The following MILR1 variants were observed in gnomAD, a reference collection of about 807,000 sequenced individuals.
MILR1 encodes mast cell immunoglobulin like receptor 1.
Under a neutral mutation model 18.5 loss-of-function variants are expected in MILR1, and 31 were observed. The observed-to-expected ratio is 1.68, with a 90% CI of 1.26 to 2.26. The LOEUF is 2.26. Ranked by LOEUF, MILR1 falls within the 30% of genes most tolerant of loss-of-function variation. The probability of loss-of-function intolerance (pLI) is 0.00; values close to 1 mark genes in which losing one functional copy is unlikely to be tolerated. For synonymous variants in MILR1, 85 were observed against 56.2 expected (o/e 1.51, Z -2.30); for missense variants, 257 against 157.4 (o/e 1.63, Z -3.38).
At chr17:64,470,501 G>A (rs940062329), downstream of MILR1, among the ~76,000 whole-genome samples, 4 of 152,168 alleles carry the variant, frequency 2.6e-5, no homozygotes, top group Admixed American at 6.5e-5. Flanking sequence ...AAAAAATATT[G>A]TGAAGCGCCT....
the MILR1 span, chr17:64,497,083 T>G: frequency 2.5e-5 from 28 of 1,124,938 alleles, no homozygotes; most frequent in Non-Finnish European, 2.7e-5. Context: ...GAGGTGAGCG[T>G]GCTTGCGGGC....
chr17:64,459,453 A>G (rs1045121758), intron 4 of MILR1, among the ~76,000 whole-genome samples: 2 of 152,022 alleles, frequency 1.3e-5, no homozygotes, highest in Admixed American at 6.6e-5. Context: ...AAGAAAAAGA[A>G]AAAGAAAGAA....
chr17:64,464,394 GT>G (rs1200545234), intron 5 of MILR1, among the ~76,000 whole-genome samples: 31 of 143,870 alleles, frequency 2.2e-4, no homozygotes, highest in African/African-American at 7.2e-4. Flanking sequence ...ACAGTTTTTT[GT>G]TTTTTTTTTA....
the MILR1 span, among the ~76,000 whole-genome samples, chr17:64,481,769 G>A: frequency 1.3e-5 from 2 of 152,008 alleles, no homozygotes; most frequent in African/African-American, 4.8e-5. Flanking sequence ...CATCTACTAG[G>A]GAGGCTGAGG....
intron 6 of MILR1, among the ~76,000 whole-genome samples, chr17:64,465,926 C>A (rs1241842349): frequency 6.6e-6 from 1 of 152,144 alleles, no homozygotes; most frequent in South Asian, 2.1e-4. Context: ...AAACAAGACC[C>A]AGCGCCTCGG....
In MILR1 at chr17:64,452,718, G is replaced by A; in HGVS notation, c.219G>A (p.Lys73=). 2.1e-6 allele frequency: 1 copy of A among 475,202 alleles called. No homozygotes were observed. The allele number at this position is 475,202 out of a possible 1,614,324, so 29.4% of individuals were successfully genotyped here. Residue 73 remains lysine, a synonymous_variant, in exon 3 of 10, where the codon AAG becomes AAA. Transcript: ENST00000619286. The part of the protein sequence containing the change: ...LQITYSLFRR[K]THLGTQDGKG... ...TCACCTATTCATTGTTTCGACGTAA[G>A]ACACACCTGGGAACCCAGGATGGAA...
At chr17:64,493,172 C>T in the MILR1 span, 6 of 859,204 alleles carry the variant, frequency 7.0e-6, no homozygotes, top group Admixed American at 2.0e-5. Flanking sequence ...AATCCCAGCA[C>T]TTTGGGAGGT....
At chr17:64,454,626 G>C (rs1165421663) in intron 3 of MILR1, among the ~76,000 whole-genome samples, 1 of 152,166 alleles carries the variant, frequency 6.6e-6, no homozygotes, top group African/African-American at 2.4e-5. Context: ...ATCTTCTCCA[G>C]AGAAATGCTC....
At chr17:64,478,785 T>C in the MILR1 span, among the ~76,000 whole-genome samples, 2 of 151,914 alleles carry the variant, frequency 1.3e-5, no homozygotes, top group African/African-American at 4.8e-5. Flanking sequence ...TAATCCCAGC[T>C]ACTCGGGAGG....
At chr17:64,454,783 C>T (rs2144019840) in intron 3 of MILR1, among the ~76,000 whole-genome samples, 1 of 152,184 alleles carries the variant, frequency 6.6e-6, no homozygotes, top group East Asian at 1.9e-4. Flanking sequence ...CACCTGAGCC[C>T]AGGAGTTTGA....
At chr17:64,491,087 C>G in the MILR1 span, 3 of 795,392 alleles carry the variant, frequency 3.8e-6, no homozygotes, top group South Asian at 4.4e-5. Context: ...ATGTGCGAAA[C>G]TAGTCAAGTC....
intron 5 of MILR1, among the ~76,000 whole-genome samples, chr17:64,465,077 G>C (rs1445319538): frequency 6.6e-6 from 1 of 152,200 alleles, no homozygotes; most frequent in Admixed American, 6.5e-5. Flanking sequence ...CCAGGCGACA[G>C]AGCGAGACTC....
At chr17:64,476,232 TATAAAC>T in the MILR1 span, among the ~76,000 whole-genome samples, 461 of 152,270 alleles carry the variant, frequency 3.0e-3, 1 homozygote, top group African/African-American at 0.011. Flanking sequence ...AAAAGAAAAA[TATAAAC>T]ATACTACCAT....
chr17:64,459,338 T>A (rs2037370672), intron 4 of MILR1, among the ~76,000 whole-genome samples: 1 of 151,570 alleles, frequency 6.6e-6, no homozygotes, highest in East Asian at 1.9e-4. Flanking sequence ...GAGGATGAGG[T>A]AGGAGGATTG....
chr17:64,491,654 G>A, the MILR1 span: 5 of 1,395,228 alleles, frequency 3.6e-6, no homozygotes, highest in South Asian at 1.2e-5. Flanking sequence ...GTTACTACTG[G>A]TACTACAACA....
chr17:64,471,802 T>G (rs1170848210), downstream of MILR1, among the ~76,000 whole-genome samples: 2 of 152,228 alleles, frequency 1.3e-5, no homozygotes, highest in African/African-American at 4.8e-5. Context: ...CATATTTGTA[T>G]GTGATTGAAC....
At chr17:64,467,058 T>C (rs1555663538) in intron 8 of MILR1, among the ~76,000 whole-genome samples, 1 of 150,150 alleles carries the variant, frequency 6.7e-6, no homozygotes, top group African/African-American at 2.5e-5. Context: ...TCTTTCTTTC[T>C]TTTCTTTCTC....
chr17:64,469,674 C>T (rs2037657799), downstream of MILR1, among the ~76,000 whole-genome samples: 1 of 152,152 alleles, frequency 6.6e-6, no homozygotes, highest in Admixed American at 6.6e-5. Context: ...GCTGGGATTA[C>T]AGGCGTGAGC....
the MILR1 span, chr17:64,485,514 T>C: frequency 1.8e-6 from 1 of 571,274 alleles, no homozygotes. Flanking sequence ...CAGAAATGCC[T>C]TTGGGATTAC....
Sources: gnomAD v4.1 joint callset for allele counts (sites outside exome capture counted in the v4.1 genomes callset) on GRCh38, gnomAD v4.1.1 for gene constraint, MANE v1.5 for transcripts, NCBI Gene and HGNC (gene_info 2026-07-23, HGNC 2026-07-21) for gene names.